The following FBRSL1 variants were observed in gnomAD, a reference collection of about 807,000 sequenced individuals.
FBRSL1 encodes the protein fibrosin like 1, also known as fibrosin-1-like protein.
A neutral mutation model predicts 89.6 loss-of-function variants in FBRSL1; 51 were observed. That is an observed-to-expected ratio of 0.57 (90% confidence interval 0.45 to 0.72). FBRSL1 has a LOEUF of 0.72. FBRSL1 is among the 30% of genes least tolerant of loss of function. The pLI, the probability that FBRSL1 is intolerant of heterozygous loss-of-function variation, is 0.00. For missense variants in FBRSL1, 1,618 were observed against 1,451.8 expected, an observed-to-expected ratio of 1.11 and a Z score of -1.86; for synonymous variants, 779 against 681.1, an observed-to-expected ratio of 1.14 and a Z score of -2.24.
Position 132,583,157 on chromosome 12 carries a change from G to C in FBRSL1, c.2388G>C (p.Met796Ile). 1 of 1,461,978 alleles carries C rather than the reference G, an allele frequency of 6.8e-7. No individual in the cohort carries two copies. The highest frequency in any genetic ancestry group is 3.1e-5 in the East Asian group (1 of 32,500). 90.6% of individuals were successfully genotyped at this position (1,461,978 alleles called of 1,614,324 possible). A position where few individuals can be genotyped will look rare whatever the true frequency, so the allele number is the denominator to read the frequency against. Residue 796 changes from methionine to isoleucine, a missense_variant, in exon 19 of 19, where the codon ATG (methionine) becomes ATC (isoleucine). Coordinates refer to ENST00000680143, the MANE Select transcript of FBRSL1 (RefSeq NM_001367871.1). ...CGGCCAAGGAGGAGGCCGCCAAGATGCCCGCGCGCGCATCCCCGCCCCACA... is the reference window on the plus strand; with the variant it reads ...CGGCCAAGGAGGAGGCCGCCAAGATCCCCGCGCGCGCATCCCCGCCCCACA... ...RSPAKEEAAK[M>I]PARASPPHSK...
intron 2 of FBRSL1, chr12:132,511,581 C>T (rs2034346752): frequency 1.0e-6 from 1 of 985,614 alleles, no homozygotes; most frequent in South Asian, 4.7e-5. Flanking sequence ...AACCAGTGGT[C>T]CTCCAGAGAG....
At chr12:132,510,947 CTG>C (rs757186535) in intron 2 of FBRSL1, 214 of 993,370 alleles carry the variant, frequency 2.2e-4, no homozygotes, top group Non-Finnish European at 2.5e-4. Context: ...TGTGTGCGTG[CTG>C]TGTGTGCATG....
chr12:132,570,802 C>T (rs527415564), intron 8 of FBRSL1, among the ~76,000 whole-genome samples: 1 of 151,724 alleles, frequency 6.6e-6, no homozygotes, highest in Non-Finnish European at 1.5e-5. Context: ...CACGGGCCTC[C>T]CCTCCTGGGG....
chr12:132,559,127 C>T (rs1324649943), intron 5 of FBRSL1, among the ~76,000 whole-genome samples: 4 of 152,262 alleles, frequency 2.6e-5, no homozygotes, highest in African/African-American at 7.2e-5. Flanking sequence ...CGAGTTCTAG[C>T]GCCCCACCGT....
chr12:132,503,912 C>A (rs1471753809), intron 1 of FBRSL1, among the ~76,000 whole-genome samples: 1 of 152,178 alleles, frequency 6.6e-6, no homozygotes, highest in Non-Finnish European at 1.5e-5. Context: ...CCTCCTGCCC[C>A]CACTGGAGAG....
rs2032619225 is a variant in FBRSL1, at chr12:132,499,530, A to G, written c.292-8623A>G. 6.6e-6 allele frequency among the ~76,000 whole-genome samples: 1 copy of G among 152,210 alleles called. No individual in the cohort carries two copies. Among genetic ancestry groups the G allele is most frequent in the Non-Finnish European group, 1.5e-5 (1 of 68,032 alleles). ...GATGGCAGTAAAGAGTCTGTCGTCG[A>G]AGGCTAGGAGTCACAGAGGAGGCCA... is the stretch of plus-strand genomic sequence containing the variant. On this transcript the variant is annotated intron_variant, in intron 1 of 18. Coordinates refer to ENST00000680143, the MANE Select transcript of FBRSL1 (RefSeq NM_001367871.1). The surrounding 1 kb of genome is among the most constrained non-coding windows in gnomAD (Gnocchi z 4.3).
At chr12:132,530,202 T>C (rs1182043902) in intron 4 of FBRSL1, among the ~76,000 whole-genome samples, 1 of 152,188 alleles carries the variant, frequency 6.6e-6, no homozygotes, top group Non-Finnish European at 1.5e-5. Context: ...CTCTGGGCAG[T>C]GTCCTGACAG....
At chr12:132,495,895 C>T (rs1304000557) in intron 1 of FBRSL1, among the ~76,000 whole-genome samples, 1 of 152,246 alleles carries the variant, frequency 6.6e-6, no homozygotes, top group Non-Finnish European at 1.5e-5. Flanking sequence ...GGGAAGGGTT[C>T]CACGTCCTCT....
intron 5 of FBRSL1, among the ~76,000 whole-genome samples, chr12:132,563,490 G>A (rs1468081496): frequency 4.0e-5 from 6 of 151,856 alleles, no homozygotes; most frequent in South Asian, 2.1e-4. Context: ...ATCTCTGTCC[G>A]TCGCGGCATC....
chr12:132,528,111 G>A (rs1566146831), intron 4 of FBRSL1, 123 bp downstream of exon 4: 5 of 865,550 alleles, frequency 5.8e-6, no homozygotes, highest in Non-Finnish European at 9.4e-6. Context: ...CTTTCCCTCT[G>A]GAGCCCCAGA....
chr12:132,508,615 G>A (rs1231390811), intron 2 of FBRSL1, among the ~76,000 whole-genome samples: 3 of 152,238 alleles, frequency 2.0e-5, no homozygotes, highest in Admixed American at 6.5e-5. Flanking sequence ...CGCGCGTTCC[G>A]GGCTGGGGCG....
chr12:132,510,247 A>G (rs966796337), intron 2 of FBRSL1: 7 of 1,231,694 alleles, frequency 5.7e-6, no homozygotes, highest in Non-Finnish European at 7.1e-6. Context: ...CTCCTGGGGC[A>G]GCCGGGCCCA....
intron 4 of FBRSL1, among the ~76,000 whole-genome samples, chr12:132,547,411 G>C (rs1438463735): frequency 1.3e-5 from 2 of 152,200 alleles, no homozygotes; most frequent in Non-Finnish European, 2.9e-5. Context: ...GCTGACAAAT[G>C]GCGCTGGCAT....
intron 4 of FBRSL1, among the ~76,000 whole-genome samples, chr12:132,537,181 C>T (rs1303192109): frequency 6.6e-6 from 1 of 152,272 alleles, no homozygotes; most frequent in South Asian, 2.1e-4. Flanking sequence ...GTGGTGGGTG[C>T]CCTCTGCTGT....
intron 2 of FBRSL1, among the ~76,000 whole-genome samples, chr12:132,508,610 G>A (rs1012467098): frequency 2.6e-5 from 4 of 152,258 alleles, no homozygotes; most frequent in African/African-American, 7.2e-5. Context: ...CAAGGCGCGC[G>A]TTCCGGGCTG....
intron 1 of FBRSL1, among the ~76,000 whole-genome samples, chr12:132,494,140 C>T (rs1485364568): frequency 6.6e-6 from 1 of 152,176 alleles, no homozygotes; most frequent in Non-Finnish European, 1.5e-5. Context: ...CTGGCCTCTC[C>T]CCTGCTCTTG....
chr12:132,579,846 G>A (rs1230153997), intron 15 of FBRSL1, among the ~76,000 whole-genome samples: 1 of 152,186 alleles, frequency 6.6e-6, no homozygotes, highest in Admixed American at 6.5e-5. Flanking sequence ...CACAGTTCAG[G>A]TTCCAAGTAC....
At chr12:132,576,417 T>C (rs1317380027) in intron 14 of FBRSL1, among the ~76,000 whole-genome samples, 1 of 152,152 alleles carries the variant, frequency 6.6e-6, no homozygotes, top group Non-Finnish European at 1.5e-5. Context: ...GGTCTCGAAC[T>C]CCTGACCTCA....
intron 4 of FBRSL1, among the ~76,000 whole-genome samples, chr12:132,536,553 CAG>C (rs1427720642): frequency 4.8e-5 from 7 of 146,850 alleles, no homozygotes; most frequent in African/African-American, 7.7e-5. Flanking sequence ...GTGTACATGA[CAG>C]TGTGTGTGCC....
Sources: allele counts gnomAD v4.1 joint callset (sites outside exome capture counted in the v4.1 genomes callset), GRCh38; gene constraint gnomAD v4.1.1; non-coding constraint Gnocchi (gnomAD v3.1); transcripts MANE v1.5; gene names NCBI Gene and HGNC (gene_info 2026-07-23, HGNC 2026-07-21).